Variants in SLC14A2 observed in about 807,000 individuals in gnomAD.
SLC14A2 encodes the protein solute carrier family 14 member 2.
In SLC14A2, 91 loss-of-function variants were observed where a neutral mutation model predicts 104.6. The observed-to-expected ratio is 0.87, with a 90% CI of 0.73 to 1.04. The LOEUF is 1.04. Ranked by LOEUF, SLC14A2 falls within the 50% of genes least tolerant of loss-of-function variation. The pLI is 0.00. For synonymous variants in SLC14A2, 476 were observed against 466.4 expected, an observed-to-expected ratio of 1.02 and a Z score of -0.27; for missense variants, 1,189 against 1,156.0, an observed-to-expected ratio of 1.03 and a Z score of -0.41.
intron 1 of SLC14A2, among the ~76,000 whole-genome samples, chr18:45,478,255 G>A (rs1188240539): frequency 6.6e-6 from 1 of 152,140 alleles, no homozygotes; most frequent in African/African-American, 2.4e-5. Flanking sequence ...TTGATCCTTT[G>A]TGCTTCCCAG....
At chr18:45,263,703 T>C (rs2084562919) in intron 1 of SLC14A2, among the ~76,000 whole-genome samples, 1 of 152,218 alleles carries the variant, frequency 6.6e-6, no homozygotes, top group South Asian at 2.1e-4. Context: ...CATGGATATT[T>C]ATTGTATTCT....
At chr18:45,267,471 G>T (rs370528306) in intron 1 of SLC14A2, among the ~76,000 whole-genome samples, 2 of 152,218 alleles carry the variant, frequency 1.3e-5, no homozygotes, top group East Asian at 3.9e-4. Flanking sequence ...CCATTGTTGG[G>T]GAAACTGGAT....
At chr18:45,195,304 C>G in the SLC14A2 span, among the ~76,000 whole-genome samples, 1 of 152,242 alleles carries the variant, frequency 6.6e-6, no homozygotes, top group African/African-American at 2.4e-5. Context: ...TACAGAGAAA[C>G]AGTTCCTTAT....
rs546453883 is a variant in SLC14A2, at chr18:45,353,703, T to A, written c.-124-129530T>A. Among the ~76,000 whole-genome samples the A allele has an allele frequency of 9.5e-4, 145 of 152,222 alleles. 1 individual carries two copies. Among genetic ancestry groups the A allele is most frequent in the African/African-American group, 3.4e-3 (142 of 41,526 alleles). On this transcript the variant is annotated intron_variant, in intron 1 of 20. Transcript: ENST00000586448. ...AAGTGTGGAAGATCCCTAGGGCTGG[T>A]GCGTTTGAGAGAGTCTGGGTGTGGC...
chr18:45,424,559 T>C lies in SLC14A2; in HGVS notation c.-124-58674T>C, dbSNP rs1057098269. Among the ~76,000 whole-genome samples the C allele has an allele frequency of 8.5e-5, 13 of 152,238 alleles. No individual in the cohort carries two copies. The East Asian group carries it at 1.7e-3, about 20-fold the overall frequency. On this transcript the variant is annotated intron_variant, in intron 1 of 20. Coordinates refer to the SLC14A2 transcript ENST00000586448. The stretch of plus-strand genomic sequence containing the variant: ...AGCAAACTGTTTCTAAAATCACAAC[T>C]GTGCACAGGCATGAGTAGGTGGACA...
chr18:45,260,085 A>G (rs923392917), intron 1 of SLC14A2, among the ~76,000 whole-genome samples: 3 of 152,210 alleles, frequency 2.0e-5, no homozygotes, highest in African/African-American at 7.2e-5. Context: ...CTATTTTCCA[A>G]GTTTGTTAAA....
At chr18:45,575,308 C>T (rs2044404342) in intron 2 of SLC14A2, among the ~76,000 whole-genome samples, 1 of 152,148 alleles carries the variant, frequency 6.6e-6, no homozygotes, top group African/African-American at 2.4e-5. Context: ...TCTTTCTCCC[C>T]ATGTTATAAG....
chr18:45,394,700 T>G (rs1413471757), intron 1 of SLC14A2, among the ~76,000 whole-genome samples: 1 of 152,116 alleles, frequency 6.6e-6, no homozygotes, highest in Non-Finnish European at 1.5e-5. Context: ...AATCTAGTTA[T>G]TTGGGTTTTT....
At chr18:45,290,747 TAAAC>T (rs1341025761) in intron 1 of SLC14A2, among the ~76,000 whole-genome samples, 2 of 152,084 alleles carry the variant, frequency 1.3e-5, no homozygotes, top group Non-Finnish European at 2.9e-5. Flanking sequence ...TATGTTTGGT[TAAAC>T]AAAATATTAA....
At chr18:45,621,029 T>G (rs1000963237) in intron 1 of SLC14A2, among the ~76,000 whole-genome samples, 1 of 152,236 alleles carries the variant, frequency 6.6e-6, no homozygotes, top group Non-Finnish European at 1.5e-5. Context: ...CATATCTAGT[T>G]CATCCAGTTG....
intron 1 of SLC14A2, among the ~76,000 whole-genome samples, chr18:45,482,884 T>C (rs2087523360): frequency 6.6e-6 from 1 of 152,194 alleles, no homozygotes; most frequent in Non-Finnish European, 1.5e-5. Context: ...GAAGTTTATT[T>C]ACTGGCAAAG....
At chr18:45,636,917 T>C in intron 5 of SLC14A2, 73 bp from the exon 6 acceptor site, 1 of 1,204,466 alleles carries the variant, frequency 8.3e-7, no homozygotes, top group Non-Finnish European at 1.2e-6. Flanking sequence ...GATGATACAG[T>C]GGCCAGAGCT....
chr18:45,404,424 T>A (rs1255060664), intron 1 of SLC14A2, among the ~76,000 whole-genome samples: 2 of 152,242 alleles, frequency 1.3e-5, no homozygotes, highest in East Asian at 1.9e-4. Context: ...GACTCCTGAC[T>A]TCCCCCCTTT....
chr18:45,606,451 T>C (rs370366363), intron 2 of SLC14A2, among the ~76,000 whole-genome samples: 7 of 152,216 alleles, frequency 4.6e-5, no homozygotes, highest in African/African-American at 1.4e-4. Context: ...TCCGCAAAAC[T>C]GATCTACCAT....
chr18:45,380,590 C>T (rs546678738), intron 1 of SLC14A2, among the ~76,000 whole-genome samples: 1 of 152,106 alleles, frequency 6.6e-6, no homozygotes, highest in African/African-American at 2.4e-5. Context: ...TTCATTCTAC[C>T]CAAGAGAGGG....
At chr18:45,354,303 G>A (rs1447076844) in intron 1 of SLC14A2, among the ~76,000 whole-genome samples, 1 of 152,178 alleles carries the variant, frequency 6.6e-6, no homozygotes, top group African/African-American at 2.4e-5. Context: ...AATCAGCAGA[G>A]CTCCTAGACA....
At chr18:45,528,187 G>GA (rs1485603538) in intron 2 of SLC14A2, 1 of 128,724 alleles carries the variant, frequency 7.8e-6, no homozygotes, top group African/African-American at 3.1e-5. Flanking sequence ...GTGTGCGGGG[G>GA]GGGGGGGGGG....
At chr18:45,288,813 G>T (rs1467528576) in intron 1 of SLC14A2, among the ~76,000 whole-genome samples, 1 of 152,162 alleles carries the variant, frequency 6.6e-6, no homozygotes, top group Non-Finnish European at 1.5e-5. Context: ...CTGCCTCCCT[G>T]CTCTCACTTC....
At position 45,257,899 on chromosome 18, in the gene SLC14A2, T is replaced by C. The variant is rs146149186; in HGVS notation, c.-125+44708T>C. ...CACATATTTGAGCCACAGAACATCC[T>C]CTGGGAGAAATATCAGGCACAACTA... On this transcript the variant is annotated intron_variant, in intron 1 of 20. Transcript: ENST00000586448. Among the ~76,000 whole-genome samples the C allele has an allele frequency of 5.3e-5, 8 of 152,316 alleles. No homozygotes were observed. The East Asian group carries it at 1.5e-3, about 29-fold the overall frequency.
Sources: allele counts gnomAD v4.1 joint callset (sites outside exome capture counted in the v4.1 genomes callset), GRCh38; gene constraint gnomAD v4.1.1; transcripts MANE v1.5; gene names NCBI Gene and HGNC (gene_info 2026-07-23, HGNC 2026-07-21).